Variants in DLGAP2 observed in about 807,000 individuals in gnomAD.
DLGAP2 encodes the protein DLG associated protein 2.
DLGAP2 carries 26 observed loss-of-function variants against 100.3 expected under a neutral mutation model. The observed-to-expected ratio is 0.26, with a 90% confidence interval of 0.19 to 0.36. The LOEUF (loss-of-function observed/expected upper bound fraction) is 0.36. Ranked by LOEUF, DLGAP2 falls within the 10% of genes least tolerant of loss-of-function variation. The pLI is 1.00. For synonymous variants in DLGAP2, 886 were observed against 630.1 expected (o/e 1.41, Z -6.08); for missense variants, 1,858 against 1,453.2 (o/e 1.28, Z -4.53).
intron 3 of DLGAP2, among the ~76,000 whole-genome samples, chr8:1,455,395 G>A (rs1308167733): frequency 1.3e-5 from 2 of 152,214 alleles, no homozygotes; most frequent in African/African-American, 4.8e-5. Flanking sequence ...TGCCCCTCGG[G>A]GTCCCAGGGG....
At chr8:1,254,555 G>C (rs1240613221) in intron 2 of DLGAP2, among the ~76,000 whole-genome samples, 1 of 152,126 alleles carries the variant, frequency 6.6e-6, no homozygotes, top group Non-Finnish European at 1.5e-5. Context: ...CTGACTTTTT[G>C]TTTGGGGAAA....
intron 4 of DLGAP2, among the ~76,000 whole-genome samples, chr8:1,527,878 T>A (rs951400470): frequency 6.6e-6 from 1 of 151,342 alleles, no homozygotes; most frequent in Non-Finnish European, 1.5e-5. Flanking sequence ...AAAAAAAAAA[T>A]ACACAGCTCA....
rs77983283 is a variant in DLGAP2, at chr8:1,529,407, A to G, written c.173-19219A>G. Among the ~76,000 whole-genome samples the G allele has an allele frequency of 8.7e-3, 1,319 of 152,304 alleles. 23 individuals carry two copies. The highest frequency in any genetic ancestry group is 0.031 in the African/African-American group (1,269 of 41,556). The stretch of plus-strand genomic sequence containing the variant: ...CAAAGCCTGGCCATATCACCTTCTT[A>G]TGATGTCTTTCATGCCACAGATTAT... On this transcript the variant is annotated intron_variant, in intron 4 of 14. Transcript: ENST00000637795.
intron 3 of DLGAP2, among the ~76,000 whole-genome samples, chr8:1,294,270 T>C (rs1051989503): frequency 6.6e-6 from 1 of 152,228 alleles, no homozygotes; most frequent in Non-Finnish European, 1.5e-5. Flanking sequence ...GATCACATTA[T>C]ACTTGGGCTG....
At chr8:1,009,434 T>C (rs1801213295) in intron 2 of DLGAP2, among the ~76,000 whole-genome samples, 1 of 152,242 alleles carries the variant, frequency 6.6e-6, no homozygotes, top group Non-Finnish European at 1.5e-5. Flanking sequence ...ATTAGATTGT[T>C]ATTCAGAGTT....
chr8:1,169,197 T>C (rs1328899676), intron 2 of DLGAP2, among the ~76,000 whole-genome samples: 1 of 152,100 alleles, frequency 6.6e-6, no homozygotes, highest in African/African-American at 2.4e-5. Flanking sequence ...GTTGTAGATA[T>C]GCGGCGTTAT....
chr8:1,343,455 A>G (rs1354697203), intron 3 of DLGAP2, among the ~76,000 whole-genome samples: 1 of 152,118 alleles, frequency 6.6e-6, no homozygotes, highest in Non-Finnish European at 1.5e-5. Context: ...CTGAGCCTAG[A>G]TGCCTGGTCT....
At chr8:1,451,143 C>G (rs1327303325) in intron 3 of DLGAP2, among the ~76,000 whole-genome samples, 1 of 152,084 alleles carries the variant, frequency 6.6e-6, no homozygotes, top group Non-Finnish European at 1.5e-5. Flanking sequence ...GGAGTCACAC[C>G]TTTCCAGCAT....
chr8:844,416 C>T (rs183404788), intron 1 of DLGAP2, among the ~76,000 whole-genome samples: 70 of 152,328 alleles, frequency 4.6e-4, no homozygotes, highest in African/African-American at 1.4e-3. Flanking sequence ...ACGACAGTCT[C>T]GATTGACCCC....
intron 2 of DLGAP2, among the ~76,000 whole-genome samples, chr8:1,205,405 A>G (rs537891959): frequency 1.3e-5 from 2 of 151,114 alleles, no homozygotes; most frequent in South Asian, 2.1e-4. Flanking sequence ...CTAGAATCAC[A>G]TGACGTCTCA....
intron 3 of DLGAP2, among the ~76,000 whole-genome samples, chr8:1,322,729 C>T (rs996795986): frequency 6.6e-6 from 1 of 152,242 alleles, no homozygotes; most frequent in African/African-American, 2.4e-5. Flanking sequence ...TAAGATGATT[C>T]CCTGCGTTTC....
chr8:793,956 C>T (rs1018037193), intron 1 of DLGAP2, among the ~76,000 whole-genome samples: 11 of 152,182 alleles, frequency 7.2e-5, no homozygotes, highest in African/African-American at 2.7e-4. Flanking sequence ...CATACGACTC[C>T]AGGCATCTGC....
chr8:1,311,252 A>G (rs1184834559), intron 3 of DLGAP2, among the ~76,000 whole-genome samples: 1 of 152,230 alleles, frequency 6.6e-6, no homozygotes, highest in African/African-American at 2.4e-5. Flanking sequence ...ATCTCAACAG[A>G]TTTATAATAA....
chr8:1,056,599 G>A (rs1037709791), intron 2 of DLGAP2, among the ~76,000 whole-genome samples: 7 of 152,186 alleles, frequency 4.6e-5, no homozygotes, highest in African/African-American at 1.4e-4. Flanking sequence ...ACACAGCTCC[G>A]GTTGAAAGGT....
chr8:1,204,582 A>AGTTT (rs10690625), intron 2 of DLGAP2, among the ~76,000 whole-genome samples: 85,226 of 150,674 alleles, frequency 0.57, 26,581 homozygotes, highest in African/African-American at 0.83. Context: ...ATGATGTGAT[A>AGTTT]GTTTGGGTAA....
At chr8:1,129,346 C>G (rs1796238366) in intron 2 of DLGAP2, among the ~76,000 whole-genome samples, 1 of 151,116 alleles carries the variant, frequency 6.6e-6, no homozygotes, top group South Asian at 2.1e-4. Flanking sequence ...GAGGTTGTAG[C>G]CAGCTGAGAT....
At chr8:1,698,093 G>T (rs1235281684) in intron 14 of DLGAP2, among the ~76,000 whole-genome samples, 3 of 152,256 alleles carry the variant, frequency 2.0e-5, no homozygotes, top group African/African-American at 4.8e-5. Flanking sequence ...TGGGTCATGA[G>T]AACGAGAGCC....
intron 2 of DLGAP2, among the ~76,000 whole-genome samples, chr8:1,037,949 C>G (rs772163726): frequency 2.3e-4 from 35 of 152,312 alleles, no homozygotes; most frequent in Non-Finnish European, 2.4e-4. Flanking sequence ...CTTTGAGAAC[C>G]TCTGCGCTAA....
At position 1,453,010 on chromosome 8, in the gene DLGAP2, G is replaced by A. The variant is rs73534622; in HGVS notation, c.107-48356G>A. ...AGACGTGAGAAGTCCACAATTCAAA[G>A]GAAGACACACTGAGTGCCATCTGTG... On this transcript the variant is annotated intron_variant, in intron 3 of 14. Transcript: ENST00000637795. Among the ~76,000 whole-genome samples the A allele has an allele frequency of 4.9e-3, 739 of 152,314 alleles. 9 individuals carry two copies. The highest frequency in any genetic ancestry group is 0.017 in the African/African-American group (712 of 41,558).
Sources: allele counts gnomAD v4.1 joint callset (sites outside exome capture counted in the v4.1 genomes callset), GRCh38; gene constraint gnomAD v4.1.1; transcripts MANE v1.5; gene names NCBI Gene and HGNC (gene_info 2026-07-23, HGNC 2026-07-21).